TBC1D15: variants seen among roughly 807,000 people sequenced by gnomAD.
TBC1D15 encodes the protein TBC1 domain family member 15.
In TBC1D15, 39 loss-of-function variants were observed where a neutral mutation model predicts 95.4. The observed-to-expected ratio is 0.41, with a 90% CI of 0.32 to 0.53. TBC1D15 has a LOEUF of 0.53. Among genes scored for constraint, TBC1D15 ranks in the 20% least tolerant of loss-of-function variants. The pLI, the probability that TBC1D15 is intolerant of heterozygous loss-of-function variation, is 0.29. For missense variants in TBC1D15, 733 were observed against 794.3 expected (o/e 0.92, Z 0.93); for synonymous variants, 258 against 261.3 (o/e 0.99, Z 0.12).
chr12:71,840,452 G>T (rs866405661), intron 1 of TBC1D15, among the ~76,000 whole-genome samples: 5 of 152,198 alleles, frequency 3.3e-5, no homozygotes, highest in Admixed American at 6.5e-5. Flanking sequence ...ATTTCAGTAG[G>T]AGTATTGGTC....
chr12:71,876,302 A>AT (rs1232211787), intron 3 of TBC1D15, among the ~76,000 whole-genome samples: 3 of 150,978 alleles, frequency 2.0e-5, no homozygotes, highest in Non-Finnish European at 3.0e-5. Flanking sequence ...TAACACTGCT[A>AT]TTTTTTTTTC....
In TBC1D15 at chr12:71,907,083, G is replaced by A. The variant is rs1900912886; in HGVS notation, c.1245G>A (p.Gly415=). The part of the protein sequence containing the change: ...NKFYEGQDNP[G]LILLHDILMT... ...TTTATGAAGGCCAAGATAATCCAGG[G>A]TTGATTTTACTTCATGACATTTTGA... The change falls in exon 11 of 17, where the codon GGG becomes GGA. Residue 415 remains glycine, a synonymous_variant. Coordinates refer to ENST00000485960, the MANE Select transcript of TBC1D15 (RefSeq NM_001146213.3). 1.9e-6 allele frequency: 3 copies of A among 1,612,014 alleles called. No individual in the cohort carries two copies. The highest frequency in any genetic ancestry group is 2.5e-6 in the Non-Finnish European group (3 of 1,178,992).
At chr12:71,852,882 C>T (rs1888174733) in intron 1 of TBC1D15, among the ~76,000 whole-genome samples, 1 of 152,194 alleles carries the variant, frequency 6.6e-6, no homozygotes. Context: ...CAAACTTTCC[C>T]TCATCTTCCT....
intron 1 of TBC1D15, chr12:71,849,550 C>T (rs186823665): frequency 4.7e-4 from 332 of 710,874 alleles, no homozygotes; most frequent in Admixed American, 1.0e-3. Context: ...TTCATTATCA[C>T]GTTACAGTGG....
chr12:71,854,843 T>A (rs1016630748), intron 1 of TBC1D15: 2 of 456,498 alleles, frequency 4.4e-6, no homozygotes, highest in African/African-American at 4.0e-5. Flanking sequence ...CTTCCCTTTC[T>A]TTTTCTCAAG....
At chr12:71,871,990 A>C (rs1000362037) in intron 1 of TBC1D15, 80 bp from the exon 2 acceptor site, 1 of 577,976 alleles carries the variant, frequency 1.7e-6, no homozygotes, top group East Asian at 3.5e-5. Flanking sequence ...GTATGATAAG[A>C]AAATATATCT....
chr12:71,887,094 T>C (rs1896373411), intron 5 of TBC1D15, among the ~76,000 whole-genome samples: 1 of 152,148 alleles, frequency 6.6e-6, no homozygotes, highest in South Asian at 2.1e-4. Flanking sequence ...ACTGATTGAA[T>C]CTCTTGAAAA....
At position 71,906,070 on chromosome 12, in the gene TBC1D15, G is replaced by A. The variant is rs144537436; in HGVS notation, c.1184-952G>A. ...GTATTTTTGGTAGAGACAGGGTTTC[G>A]CCATGTTGGCCAAGCTGATCTTGAA... On this transcript the variant is annotated intron_variant, in intron 10 of 16. Coordinates refer to ENST00000485960, the MANE Select transcript of TBC1D15 (RefSeq NM_001146213.3). Among the ~76,000 whole-genome samples the A allele has an allele frequency of 9.7e-3, 1,476 of 151,972 alleles. 31 individuals carry two copies. The highest frequency in any genetic ancestry group is 0.033 in the African/African-American group (1,380 of 41,430).
At chr12:71,858,391 G>T (rs900491144) in intron 1 of TBC1D15, among the ~76,000 whole-genome samples, 2 of 151,562 alleles carry the variant, frequency 1.3e-5, no homozygotes, top group Non-Finnish European at 2.9e-5. Flanking sequence ...TCTTTATCCA[G>T]TCATCTGTTG....
rs560062919 is a variant in TBC1D15 at position 71,922,683 on chromosome 12, T to C, written c.1804-300T>C. On this transcript the variant is annotated intron_variant, in intron 16 of 16. Coordinates refer to ENST00000485960, the MANE Select transcript of TBC1D15 (RefSeq NM_001146213.3). ...GAGACAGATGATCTAAGAAAGATAT[T>C]ATTACAAAAAGTAGAAAGAGATAAA... Among the ~76,000 whole-genome samples, 17 of 152,308 alleles carry C rather than the reference T, an allele frequency of 1.1e-4. No individual in the cohort carries two copies. The South Asian group carries it at 3.5e-3, about 32-fold the overall frequency.
At chr12:71,920,274 G>T (rs75064021) in intron 14 of TBC1D15, among the ~76,000 whole-genome samples, 167 of 152,284 alleles carry the variant, frequency 1.1e-3, no homozygotes, top group African/African-American at 3.7e-3. Context: ...TTAGAATGTA[G>T]AGCTACCTCT....
intron 6 of TBC1D15, among the ~76,000 whole-genome samples, chr12:71,893,672 G>T (rs1026271337): frequency 6.6e-6 from 1 of 151,678 alleles, no homozygotes. Context: ...ATTAATGATC[G>T]GTTTAGGCAA....
intron 1 of TBC1D15, among the ~76,000 whole-genome samples, chr12:71,841,632 G>T (rs373035939): frequency 1.3e-5 from 2 of 152,134 alleles, no homozygotes; most frequent in African/African-American, 4.8e-5. Context: ...ACCTTAAGAG[G>T]TTTCTTAAAT....
intron 10 of TBC1D15, among the ~76,000 whole-genome samples, chr12:71,902,640 G>A (rs546000575): frequency 1.3e-5 from 2 of 152,168 alleles, no homozygotes; most frequent in South Asian, 4.1e-4. Flanking sequence ...AGAAAATCTA[G>A]GAAATACCAT....
intron 1 of TBC1D15, among the ~76,000 whole-genome samples, chr12:71,867,229 ATT>A (rs1443823414): frequency 3.3e-5 from 5 of 152,216 alleles, no homozygotes; most frequent in Non-Finnish European, 5.9e-5. Context: ...CATTTAAGCC[ATT>A]TCAGGAACTG....
At chr12:71,874,620 T>TG (rs1256327700) in intron 3 of TBC1D15, among the ~76,000 whole-genome samples, 1 of 142,074 alleles carries the variant, frequency 7.0e-6, no homozygotes, top group African/African-American at 2.7e-5. Flanking sequence ...TTATATTTAC[T>TG]ATTTTTTTTT....
intron 3 of TBC1D15, among the ~76,000 whole-genome samples, chr12:71,874,579 C>A (rs1284253591): frequency 6.6e-6 from 1 of 151,548 alleles, no homozygotes; most frequent in East Asian, 1.9e-4. Flanking sequence ...TGGAGAAATG[C>A]CTGTTCTAAA....
chr12:71,841,898 A>G (rs1371492366), intron 1 of TBC1D15, among the ~76,000 whole-genome samples: 1 of 152,220 alleles, frequency 6.6e-6, no homozygotes, highest in Non-Finnish European at 1.5e-5. Flanking sequence ...AAAAGACATG[A>G]TACCTTTATG....
chr12:71,874,452 A>T (rs1264648363), intron 3 of TBC1D15, among the ~76,000 whole-genome samples: 6 of 152,060 alleles, frequency 3.9e-5, no homozygotes, highest in Non-Finnish European at 8.8e-5. Context: ...GTGCACAGCA[A>T]ATTCGAGTTT....
Sources: allele counts gnomAD v4.1 joint callset (sites outside exome capture counted in the v4.1 genomes callset), GRCh38; gene constraint gnomAD v4.1.1; transcripts MANE v1.5; gene names NCBI Gene and HGNC (gene_info 2026-07-23, HGNC 2026-07-21).